NUDT21: variants seen among roughly 807,000 people sequenced by gnomAD.
NUDT21 encodes nudix hydrolase 21.
A neutral mutation model predicts 29.8 loss-of-function variants in NUDT21; 5 were observed. The observed-to-expected ratio is 0.17, with a 90% confidence interval of 0.09 to 0.35. NUDT21 has a LOEUF of 0.35. Among genes scored for constraint, NUDT21 ranks in the 10% least tolerant of loss-of-function variants. The pLI, the probability that NUDT21 is intolerant of heterozygous loss-of-function variation, is 1.00. For missense variants in NUDT21, 76 were observed against 276.0 expected, an observed-to-expected ratio of 0.28 and a Z score of 5.13; for synonymous variants, 113 against 98.5, an observed-to-expected ratio of 1.15 and a Z score of -0.87.
chr16:56,438,512 T>C (rs1275245946), intron 4 of NUDT21, among the ~76,000 whole-genome samples: 1 of 152,220 alleles, frequency 6.6e-6, no homozygotes, highest in Non-Finnish European at 1.5e-5. Flanking sequence ...ACAACTTGAC[T>C]GTAACTTCAT....
At chr16:56,434,285 T>C (rs778531064) in intron 6 of NUDT21, 46 bp downstream of exon 6, 122 of 1,232,348 alleles carry the variant, frequency 9.9e-5, no homozygotes, top group Non-Finnish European at 1.4e-4. Flanking sequence ...TATTTTAAAT[T>C]TGACAGTTAA....
At chr16:56,436,841 ACTTAC>A (rs59934423) in intron 4 of NUDT21, among the ~76,000 whole-genome samples, 25,548 of 151,944 alleles carry the variant, frequency 0.17, 2,325 homozygotes, top group African/African-American at 0.24. Flanking sequence ...AAATCAATAC[ACTTAC>A]CTTATGTCAA....
intron 6 of NUDT21, 97 bp from the exon 7 acceptor site, chr16:56,432,830 A>T: frequency 1.1e-6 from 1 of 880,656 alleles, no homozygotes; most frequent in Non-Finnish European, 1.7e-6. Context: ...GCCCTCCCTT[A>T]GCATGTCTGG....
At chr16:56,445,230 T>C (rs1377137475) in intron 3 of NUDT21, among the ~76,000 whole-genome samples, 1 of 152,206 alleles carries the variant, frequency 6.6e-6, no homozygotes, top group Non-Finnish European at 1.5e-5. Flanking sequence ...TCAAGTTTTG[T>C]ATATGGGATG....
At position 56,451,216 on chromosome 16, in the gene NUDT21, G is replaced by C. The variant is rs948814535; in HGVS notation, c.-14C>G. The C allele has an allele frequency of 4.4e-6, 7 of 1,573,224 alleles. No individual in the cohort carries two copies. The African/African-American group carries it at 9.5e-5, about 21-fold the overall frequency. On this transcript the variant is annotated 5_prime_UTR_variant, in exon 1 of 7. Transcript: ENST00000300291. ...TACCACAGACATGCTGGCGAGCTCC[G>C]GCGCTGACGGCGAGCAGAAAGTGGC... is the stretch of plus-strand genomic sequence containing the variant.
chr16:56,429,814 C>G lies in NUDT21; in HGVS notation c.*2898G>C, dbSNP rs549593202. 6.6e-6 allele frequency: 1 copy of G among 152,216 alleles called. No individual in the cohort carries two copies. Among genetic ancestry groups the G allele is most frequent in the East Asian group, 1.9e-4 (1 of 5,180 alleles). 9.4% of individuals were successfully genotyped at this position (152,216 alleles called of 1,614,324 possible). Reference sequence around the variant, plus strand: ...CATATACTGTTCCAAACACTATGAACTAGTAAAAACATTAAGTTTGAGGAT... The same window carrying G: ...CATATACTGTTCCAAACACTATGAAGTAGTAAAAACATTAAGTTTGAGGAT... On this transcript the variant is annotated 3_prime_UTR_variant, in exon 7 of 7. Transcript: ENST00000300291.
intron 1 of NUDT21, 73 bp downstream of exon 1, chr16:56,451,014 A>T: frequency 7.6e-7 from 1 of 1,321,374 alleles, no homozygotes; most frequent in East Asian, 2.4e-5. Flanking sequence ...CGCGCCGAAA[A>T]GCCGGGGGCG....
At position 56,430,189 on chromosome 16, in the gene NUDT21, A is replaced by G. The variant is rs2143928380; in HGVS notation, c.*2523T>C. 6.6e-6 allele frequency: 1 copy of G among 152,348 alleles called. No homozygotes were observed. The highest frequency in any genetic ancestry group is 1.9e-4 in the East Asian group (1 of 5,190). 9.4% of individuals were successfully genotyped at this position (152,348 alleles called of 1,614,324 possible). ...AATTCAAGTGCAGAATTATTACGCC[A>G]TTTTAAGTATTATCTACTTTTTTAA... On this transcript the variant is annotated 3_prime_UTR_variant, in exon 7 of 7. Coordinates refer to ENST00000300291, the MANE Select transcript of NUDT21 (RefSeq NM_007006.3).
chr16:56,434,991 T>C (rs891464907), intron 4 of NUDT21, 162 bp from the exon 5 acceptor site: 1 of 465,894 alleles, frequency 2.1e-6, no homozygotes. Flanking sequence ...AATGCTTTAA[T>C]GCATATAAAA....
intron 4 of NUDT21, chr16:56,439,373 A>T: frequency 3.2e-6 from 1 of 311,002 alleles, no homozygotes; most frequent in Non-Finnish European, 6.1e-6. Flanking sequence ...AGCTTTCACC[A>T]TGTTGGCCAG....
rs1312391941 is a variant in NUDT21 at position 56,430,028 on chromosome 16, T to G, written c.*2684A>C. On this transcript the variant is annotated 3_prime_UTR_variant, in exon 7 of 7. Coordinates refer to ENST00000300291, the MANE Select transcript of NUDT21 (RefSeq NM_007006.3). ...TAATTAAACATGGAAGAAAACAGAC[T>G]GGCTAATTTGGTCACACTTTGTCCA... 6.6e-6 allele frequency: 1 copy of G among 152,204 alleles called. No individual in the cohort carries two copies. The highest frequency in any genetic ancestry group is 1.5e-5 in the Non-Finnish European group (1 of 68,028). 9.4% of individuals were successfully genotyped at this position (152,204 alleles called of 1,614,324 possible). A position where few individuals can be genotyped will look rare whatever the true frequency, so the allele number is the denominator to read the frequency against.
chr16:56,442,891 A>AT (rs1199537815), intron 3 of NUDT21, among the ~76,000 whole-genome samples: 2 of 151,916 alleles, frequency 1.3e-5, no homozygotes, highest in South Asian at 4.1e-4. Flanking sequence ...TTCTTCCAAC[A>AT]TTTTTTTAAT....
chr16:56,447,851 A>G lies in NUDT21; in HGVS notation c.255T>C (p.Ile85=), dbSNP rs538669854. 155 of 1,614,148 alleles carry G rather than the reference A, an allele frequency of 9.6e-5. 1 individual carries two copies. In the East Asian group the frequency reaches 3.4e-3, roughly 36 times the overall value. Residue 85 remains isoleucine (I), a synonymous_variant, in exon 2 of 7, where the codon ATT becomes ATC. Transcript: ENST00000300291. ...GMRRTVEGVL[I]VHEHRLPHVL... The stretch of plus-strand genomic sequence containing the variant: ...CATGGGGTAGCCGGTGCTCATGTAC[A>G]ATCAGAACCCCTTCTACAGTCCTCC...
In NUDT21 at chr16:56,451,310, T is replaced by G; in HGVS notation, c.-108A>C. On this transcript the variant is annotated 5_prime_UTR_variant, in exon 1 of 7. The change abolishes an upstream ATG in the 5' untranslated region. Coordinates refer to ENST00000300291, the MANE Select transcript of NUDT21 (RefSeq NM_007006.3). Reference sequence around the variant, plus strand: ...TCCCCTCAGCGGCTACTGCCCGCCATTAACAGGACAGCGCAAGAGGAGGCG... The same window carrying G: ...TCCCCTCAGCGGCTACTGCCCGCCAGTAACAGGACAGCGCAAGAGGAGGCG... 1.1e-6 allele frequency: 1 copy of G among 890,808 alleles called. No homozygotes were observed. The highest frequency in any genetic ancestry group is 1.6e-5 in the South Asian group (1 of 62,960). 55.2% of individuals were successfully genotyped at this position (890,808 alleles called of 1,614,324 possible).
At chr16:56,435,814 G>A (rs1258202814) in intron 4 of NUDT21, among the ~76,000 whole-genome samples, 1 of 103,094 alleles carries the variant, frequency 9.7e-6, no homozygotes, top group Non-Finnish European at 1.8e-5. Flanking sequence ...CTAGAATCCT[G>A]TTGTAGACCT....
rs185967919 is a variant in NUDT21 at position 56,429,704 on chromosome 16, C to G, written c.*3008G>C. On this transcript the variant is annotated 3_prime_UTR_variant, in exon 7 of 7. Transcript: ENST00000300291. ...CAAATCTTATGCTACAGAAAGCTGACTTATACTACAGTCAACAACCACTAA... is the reference window on the plus strand; with the variant it reads ...CAAATCTTATGCTACAGAAAGCTGAGTTATACTACAGTCAACAACCACTAA... 2 of 152,198 alleles carry G rather than the reference C, an allele frequency of 1.3e-5. No homozygotes were observed. Among genetic ancestry groups the G allele is most frequent in the Non-Finnish European group, 2.9e-5 (2 of 68,040 alleles). The allele number at this position is 152,198 out of a possible 1,614,324, so 9.4% of individuals were successfully genotyped here. A position where few individuals can be genotyped will look rare whatever the true frequency, so the allele number is the denominator to read the frequency against.
chr16:56,441,516 A>G lies in NUDT21; in HGVS notation c.382-1770T>C, dbSNP rs536248142. On this transcript the variant is annotated intron_variant, in intron 3 of 6. Coordinates refer to ENST00000300291, the MANE Select transcript of NUDT21 (RefSeq NM_007006.3). ...CCAAAGTGCTGGGATTACTGGCGTG[A>G]GCCACTGCGCCTGGCCTCTTGATTT... 9.2e-5 allele frequency among the ~76,000 whole-genome samples: 14 copies of G among 152,332 alleles called. 1 individual carries two copies. Among genetic ancestry groups the G allele is most frequent in the Admixed American group, 3.9e-4 (6 of 15,302 alleles).
Position 56,431,000 on chromosome 16 carries a change from T to A in NUDT21, c.*1712A>T, listed in dbSNP as rs1223133953. The A allele has an allele frequency of 6.6e-6, 1 of 152,240 alleles. No homozygotes were observed. The highest frequency in any genetic ancestry group is 6.5e-5 in the Admixed American group (1 of 15,284). The allele number at this position is 152,240 out of a possible 1,614,324, so 9.4% of individuals were successfully genotyped here. ...AACACTCCTTACTGAGAGTACTTTATAAAACACACAACAAAAGTCTACCTC... is the reference window on the plus strand; with the variant it reads ...AACACTCCTTACTGAGAGTACTTTAAAAAACACACAACAAAAGTCTACCTC... On this transcript the variant is annotated 3_prime_UTR_variant, in exon 7 of 7. Transcript: ENST00000300291.
At chr16:56,432,880 T>C (rs1962051938) in intron 6 of NUDT21, 147 bp from the exon 7 acceptor site, 1 of 537,768 alleles carries the variant, frequency 1.9e-6, no homozygotes, top group Non-Finnish European at 3.3e-6. Context: ...TTTTACCACG[T>C]TTGGCATTTT....
Sources: gnomAD v4.1 joint callset for allele counts (sites outside exome capture counted in the v4.1 genomes callset) on GRCh38, gnomAD v4.1.1 for gene constraint, MANE v1.5 for transcripts, NCBI Gene and HGNC (gene_info 2026-07-23, HGNC 2026-07-21) for gene names.